TRPM3: variants seen among roughly 807,000 people sequenced by gnomAD.
The protein encoded by TRPM3 is long transient receptor potential channel 3.
A neutral mutation model predicts 181.2 loss-of-function variants in TRPM3; 77 were observed. The ratio of observed to expected loss-of-function variants is 0.42; its 90% CI spans 0.35 to 0.51. The LOEUF is 0.51. Among genes scored for constraint, TRPM3 ranks in the 20% least tolerant of loss-of-function variants. The probability of loss-of-function intolerance (pLI) is 0.01; values close to 1 mark genes in which losing one functional copy is unlikely to be tolerated. For synonymous variants in TRPM3, 745 were observed against 796.4 expected (o/e 0.94, Z 1.09); for missense variants, 1,759 against 2,196.7 (o/e 0.80, Z 3.98).
intron 1 of TRPM3, among the ~76,000 whole-genome samples, chr9:71,439,967 A>T (rs544674949): frequency 7.7e-4 from 117 of 151,990 alleles, no homozygotes; most frequent in African/African-American, 1.7e-3. Context: ...TAAAAATATT[A>T]AAAAAATTAG....
Position 71,432,323 on chromosome 9 carries a change from C to CTTTTT in TRPM3, c.183+14325_183+14329dup, listed in dbSNP as rs67905820. On this transcript the variant is annotated intron_variant, in intron 1 of 24. Coordinates refer to the TRPM3 transcript ENST00000357533. ...AATGGGTAATGAGACAAAAGTAGGACTTTTTTTTTTTTTTTTTTTTTTTTG... is the reference window on the plus strand; with the variant it reads ...AATGGGTAATGAGACAAAAGTAGGACTTTTTTTTTTTTTTTTTTTTTTTTTTTTTG... Among the ~76,000 whole-genome samples, 700 of 76,544 alleles carry CTTTTT rather than the reference C, an allele frequency of 9.1e-3. 8 individuals carry two copies. The highest frequency in any genetic ancestry group is 0.02 in the Middle Eastern group (2 of 100). 50.2% of individuals were successfully genotyped at this position (76,544 alleles called of 152,430 possible). A position where few individuals can be genotyped will look rare whatever the true frequency, so the allele number is the denominator to read the frequency against.
chr9:70,858,179 GT>G (rs1424749617), intron 3 of TRPM3, among the ~76,000 whole-genome samples: 2 of 152,168 alleles, frequency 1.3e-5, no homozygotes, highest in African/African-American at 2.4e-5. Flanking sequence ...TTCCTCTAGA[GT>G]TTTTTGACCA....
intron 1 of TRPM3, among the ~76,000 whole-genome samples, chr9:71,072,410 T>C (rs1055523305): frequency 1.3e-5 from 2 of 152,192 alleles, no homozygotes; most frequent in African/African-American, 2.4e-5. Flanking sequence ...TTAACACTTA[T>C]TAAGCACTTA....
chr9:71,136,874 A>C (rs554464852), intron 1 of TRPM3, among the ~76,000 whole-genome samples: 1 of 152,336 alleles, frequency 6.6e-6, no homozygotes, highest in South Asian at 2.1e-4. Flanking sequence ...TTGTACAGCA[A>C]AAGAAGCTGG....
At chr9:70,621,334 A>G in intron 14 of TRPM3, 61 bp from the exon 15 acceptor site, 1 of 1,275,858 alleles carries the variant, frequency 7.8e-7, no homozygotes, top group Non-Finnish European at 1.1e-6. Context: ...CATAAAGGTA[A>G]GAAGAGTCCT....
At chr9:70,909,290 G>T (rs935567858) in intron 1 of TRPM3, among the ~76,000 whole-genome samples, 4 of 152,178 alleles carry the variant, frequency 2.6e-5, no homozygotes, top group African/African-American at 9.7e-5. Context: ...ATCTGTCATT[G>T]TCCAAGTACT....
chr9:70,937,765 G>A (rs2096843074), intron 1 of TRPM3, among the ~76,000 whole-genome samples: 1 of 151,852 alleles, frequency 6.6e-6, no homozygotes, highest in Non-Finnish European at 1.5e-5. Context: ...CAAAGCTCCT[G>A]GGGCCAGAGA....
intron 1 of TRPM3, among the ~76,000 whole-genome samples, chr9:71,052,426 G>C (rs2060159384): frequency 6.6e-6 from 1 of 152,082 alleles, no homozygotes; most frequent in Non-Finnish European, 1.5e-5. Context: ...GCTGTTTTGA[G>C]AAAGTATTCT....
At position 70,631,642 on chromosome 9, in the gene TRPM3, T is replaced by A. The variant is rs73647105; in HGVS notation, c.1632+3569A>T. ...AGACTTGGGCCACTCTGGTTTAATA[T>A]GAGAGCATTGGTACATTCAATGGAT... On this transcript the variant is annotated intron_variant, in intron 12 of 25. Coordinates refer to ENST00000677713, the MANE Select transcript of TRPM3 (RefSeq NM_001366145.2). Among the ~76,000 whole-genome samples the A allele has an allele frequency of 1.9e-3, 293 of 152,354 alleles. 1 individual carries two copies. Among genetic ancestry groups the A allele is most frequent in the African/African-American group, 6.6e-3 (274 of 41,584 alleles).
chr9:71,428,748 T>C (rs2093911441), intron 1 of TRPM3, among the ~76,000 whole-genome samples: 2 of 152,148 alleles, frequency 1.3e-5, no homozygotes, highest in African/African-American at 4.8e-5. Flanking sequence ...AGACAAATTT[T>C]TAAAATATCA....
intron 1 of TRPM3, among the ~76,000 whole-genome samples, chr9:71,155,562 C>T (rs2134660642): frequency 7.3e-6 from 1 of 136,278 alleles, no homozygotes; most frequent in South Asian, 2.3e-4. Flanking sequence ...ACCACGTTGG[C>T]CAGGCTGGTC....
chr9:71,398,996 C>T (rs1166303833), intron 1 of TRPM3, among the ~76,000 whole-genome samples: 3 of 151,734 alleles, frequency 2.0e-5, no homozygotes, highest in Non-Finnish European at 4.4e-5. Flanking sequence ...ATGAACAATG[C>T]CCATAATTTA....
At chr9:71,035,154 C>T (rs939508446) in intron 1 of TRPM3, among the ~76,000 whole-genome samples, 9 of 151,964 alleles carry the variant, frequency 5.9e-5, no homozygotes, top group Non-Finnish European at 8.8e-5. Context: ...ATTGCTTTTT[C>T]GTAATTAGTA....
intron 1 of TRPM3, among the ~76,000 whole-genome samples, chr9:70,911,840 A>G (rs533511336): frequency 1.2e-4 from 18 of 152,312 alleles, no homozygotes; most frequent in African/African-American, 4.3e-4. Flanking sequence ...CATCCTTCTA[A>G]TAAGCCTCAT....
chr9:70,954,582 T>C (rs1339996847), intron 1 of TRPM3, among the ~76,000 whole-genome samples: 1 of 152,166 alleles, frequency 6.6e-6, no homozygotes, highest in African/African-American at 2.4e-5. Context: ...GTGCAACCCC[T>C]AATCAGTGGA....
chr9:71,235,735 A>C (rs1312105770), intron 1 of TRPM3, among the ~76,000 whole-genome samples: 1 of 152,228 alleles, frequency 6.6e-6, no homozygotes, highest in Non-Finnish European at 1.5e-5. Context: ...TTACATCTGC[A>C]ATACTGCAAA....
At chr9:71,262,052 C>A (rs560815253) in intron 1 of TRPM3, among the ~76,000 whole-genome samples, 100 of 152,370 alleles carry the variant, frequency 6.6e-4, no homozygotes, top group Middle Eastern at 3.4e-3. Flanking sequence ...ATCTACTGCT[C>A]TCTTCAGAGC....
chr9:71,156,061 C>T (rs1019013542), intron 1 of TRPM3, among the ~76,000 whole-genome samples: 8 of 151,996 alleles, frequency 5.3e-5, no homozygotes, highest in African/African-American at 1.9e-4. Context: ...TCCTGATGCA[C>T]AATGAAAGTT....
At chr9:71,195,320 A>C (rs1587884825) in intron 1 of TRPM3, among the ~76,000 whole-genome samples, 2 of 151,900 alleles carry the variant, frequency 1.3e-5, no homozygotes, top group East Asian at 3.9e-4. Flanking sequence ...AAAAAACATA[A>C]AAAAGCAGGC....
Sources: gnomAD v4.1 joint callset for allele counts (sites outside exome capture counted in the v4.1 genomes callset) on GRCh38, gnomAD v4.1.1 for gene constraint, MANE v1.5 for transcripts, NCBI Gene and HGNC (gene_info 2026-07-23, HGNC 2026-07-21) for gene names.